The following DLG2 variants were observed in gnomAD, a reference collection of about 807,000 sequenced individuals.
DLG2 encodes discs large MAGUK scaffold protein 2.
A neutral mutation model predicts 132.5 loss-of-function variants in DLG2; 45 were observed. That is an observed-to-expected ratio of 0.34 (90% CI 0.27 to 0.44). DLG2 has a LOEUF of 0.44. Ranked by LOEUF, DLG2 falls within the 20% of genes least tolerant of loss-of-function variation. The pLI is 1.00. For synonymous variants in DLG2, 424 were observed against 419.6 expected (o/e 1.01, Z -0.13); for missense variants, 1,045 against 1,196.9 (o/e 0.87, Z 1.87).
At chr11:85,548,640 A>G (rs902633929) in intron 3 of DLG2, among the ~76,000 whole-genome samples, 16 of 152,090 alleles carry the variant, frequency 1.1e-4, no homozygotes, top group Non-Finnish European at 1.8e-4. Flanking sequence ...GGTTTTATCT[A>G]TAAGTCCCTG....
intron 3 of DLG2, among the ~76,000 whole-genome samples, chr11:85,430,780 A>G (rs1398555601): frequency 2.6e-5 from 4 of 151,886 alleles, no homozygotes; most frequent in African/African-American, 9.7e-5. Flanking sequence ...GTAAAGCACA[A>G]CACTCAATCA....
At chr11:84,846,999 A>G (rs980396987) in intron 6 of DLG2, among the ~76,000 whole-genome samples, 9 of 152,138 alleles carry the variant, frequency 5.9e-5, no homozygotes, top group African/African-American at 2.2e-4. Context: ...CCCAGCTGCT[A>G]TTTGAATACT....
At chr11:83,724,057 T>C (rs966707394) in intron 18 of DLG2, among the ~76,000 whole-genome samples, 10 of 152,198 alleles carry the variant, frequency 6.6e-5, no homozygotes, top group Admixed American at 2.0e-4. Context: ...TTCCAGTTAC[T>C]TAACTATGTG....
chr11:83,809,525 T>C (rs2046739356), intron 17 of DLG2, among the ~76,000 whole-genome samples: 1 of 152,178 alleles, frequency 6.6e-6, no homozygotes, highest in African/African-American at 2.4e-5. Flanking sequence ...ACCAAGTGAA[T>C]GTTCAACCCC....
chr11:84,794,393 C>T (rs943453528), intron 6 of DLG2, among the ~76,000 whole-genome samples: 6 of 152,192 alleles, frequency 3.9e-5, no homozygotes, highest in South Asian at 4.1e-4. Context: ...GGGCTGTGTA[C>T]TCCATGGAGC....
At chr11:85,500,865 T>C (rs2093784762) in intron 3 of DLG2, among the ~76,000 whole-genome samples, 5 of 152,226 alleles carry the variant, frequency 3.3e-5, no homozygotes, top group Admixed American at 2.0e-4. Context: ...ATGGATTCCA[T>C]GCTATCCCCA....
intron 18 of DLG2, among the ~76,000 whole-genome samples, chr11:83,719,191 A>C (rs774250706): frequency 6.6e-5 from 10 of 152,210 alleles, no homozygotes; most frequent in Non-Finnish European, 1.2e-4. Context: ...TGCATATGGC[A>C]CTTGGGACAC....
intron 6 of DLG2, among the ~76,000 whole-genome samples, chr11:84,663,778 C>T (rs1197569823): frequency 1.3e-5 from 2 of 152,142 alleles, no homozygotes; most frequent in Non-Finnish European, 2.9e-5. Flanking sequence ...TTCTGTCATC[C>T]TTATATCCAA....
chr11:84,980,240 C>A (rs1397237198), intron 6 of DLG2, among the ~76,000 whole-genome samples: 3 of 152,094 alleles, frequency 2.0e-5, no homozygotes. Flanking sequence ...AAGTACCTCT[C>A]ATATGGAGTA....
intron 6 of DLG2, among the ~76,000 whole-genome samples, chr11:84,630,979 TTCTC>T (rs369904915): frequency 0.082 from 4,214 of 51,120 alleles, 179 homozygotes; most frequent in South Asian, 0.14. Context: ...TTAAATGCAT[TTCTC>T]TCTCTCTCTC....
At chr11:84,696,610 C>T (rs1275329157) in intron 6 of DLG2, among the ~76,000 whole-genome samples, 7 of 151,312 alleles carry the variant, frequency 4.6e-5, no homozygotes, top group Admixed American at 4.0e-4. Flanking sequence ...AAACAGTGAA[C>T]ACAAAGTCAA....
chr11:85,365,083 T>C (rs1009762274), intron 3 of DLG2, among the ~76,000 whole-genome samples: 1 of 152,074 alleles, frequency 6.6e-6, no homozygotes, highest in Non-Finnish European at 1.5e-5. Context: ...CCTAACACCA[T>C]ACAGCTGGTC....
intron 6 of DLG2, among the ~76,000 whole-genome samples, chr11:84,646,607 A>T (rs1183745381): frequency 1.3e-5 from 2 of 152,050 alleles, no homozygotes; most frequent in Non-Finnish European, 2.9e-5. Flanking sequence ...TTCATAATGT[A>T]AAAAGAAAAA....
intron 11 of DLG2, among the ~76,000 whole-genome samples, chr11:83,991,352 C>A (rs1403963881): frequency 6.6e-6 from 1 of 152,140 alleles, no homozygotes; most frequent in Admixed American, 6.6e-5. Flanking sequence ...TCTTCTATTA[C>A]ATATCTTGTA....
At chr11:85,072,822 C>G (rs182990) in intron 6 of DLG2, among the ~76,000 whole-genome samples, 1 of 151,582 alleles carries the variant, frequency 6.6e-6, no homozygotes, top group Non-Finnish European at 1.5e-5. Context: ...ATCTACAAAT[C>G]TGGCTATGAA....
Position 84,573,332 on chromosome 11 carries a change from C to G in DLG2, c.358-38601G>C, listed in dbSNP as rs11234081. On this transcript the variant is annotated intron_variant, in intron 6 of 27. Transcript: ENST00000376104. Reference sequence around the variant, plus strand: ...CATTTATAACACTTACAAAATTAAACTAAAAAGTGAATTAATCTAAAGGAA... The same window carrying G: ...CATTTATAACACTTACAAAATTAAAGTAAAAAGTGAATTAATCTAAAGGAA... 7.3e-3 allele frequency among the ~76,000 whole-genome samples: 1,117 copies of G among 152,028 alleles called. 18 individuals are homozygous for G. The highest frequency in any genetic ancestry group is 0.026 in the African/African-American group (1,066 of 41,472).
At chr11:85,365,892 G>A (rs186717365) in intron 3 of DLG2, among the ~76,000 whole-genome samples, 24 of 152,188 alleles carry the variant, frequency 1.6e-4, no homozygotes, top group African/African-American at 1.7e-4. Context: ...ATGAGAACAC[G>A]TGGACACAGG....
intron 21 of DLG2, among the ~76,000 whole-genome samples, chr11:83,498,778 T>C (rs34902506): frequency 6.7e-6 from 1 of 150,042 alleles, no homozygotes; most frequent in Non-Finnish European, 1.5e-5. Context: ...AAAAATCTTT[T>C]TTTTTTTTTG....
chr11:84,360,633 C>G (rs1434778604), intron 7 of DLG2, among the ~76,000 whole-genome samples: 1 of 151,778 alleles, frequency 6.6e-6, no homozygotes, highest in East Asian at 1.9e-4. Context: ...GCACTGAAGA[C>G]AGAAATTGTT....
Sources: gnomAD v4.1 joint callset for allele counts (sites outside exome capture counted in the v4.1 genomes callset) on GRCh38, gnomAD v4.1.1 for gene constraint, MANE v1.5 for transcripts, NCBI Gene and HGNC (gene_info 2026-07-23, HGNC 2026-07-21) for gene names.